PDZRN4: variants seen among roughly 807,000 people sequenced by gnomAD.
The protein encoded by PDZRN4 is PDZ domain containing ring finger 4.
PDZRN4 carries 70 observed loss-of-function variants against 99.0 expected under a neutral mutation model. The observed-to-expected ratio is 0.71, with a 90% CI of 0.58 to 0.86. The LOEUF is 0.86. Ranked by LOEUF, PDZRN4 falls within the 40% of genes least tolerant of loss-of-function variation. The pLI is 0.00. For synonymous variants in PDZRN4, 551 were observed against 501.6 expected (o/e 1.10, Z -1.32); for missense variants, 1,474 against 1,331.2 (o/e 1.11, Z -1.67).
At chr12:41,538,207 A>T (rs531401959) in intron 5 of PDZRN4, among the ~76,000 whole-genome samples, 90 of 152,312 alleles carry the variant, frequency 5.9e-4, no homozygotes, top group Admixed American at 1.6e-3. Context: ...ATTAAAAAAA[A>T]AGTAACCATC....
chr12:41,236,570 G>T (rs1254033497), intron 3 of PDZRN4, among the ~76,000 whole-genome samples: 1 of 152,082 alleles, frequency 6.6e-6, no homozygotes, highest in East Asian at 1.9e-4. Flanking sequence ...GAGAAGAAAG[G>T]TCAGTTAGGA....
chr12:41,300,198 G>A (rs1028205243), intron 3 of PDZRN4, among the ~76,000 whole-genome samples: 2 of 151,694 alleles, frequency 1.3e-5, no homozygotes, highest in Non-Finnish European at 3.0e-5. Flanking sequence ...AGCTCTTTTA[G>A]CTACTCTTTT....
At position 41,188,788 on chromosome 12, in the gene PDZRN4, G is replaced by C. The variant is rs10879830; in HGVS notation, c.333G>C (p.Arg111=). ...VEHCDFGPAR[R]LRSRGGCASG... is the part of the protein sequence containing the mutation. ...ACTGCGACTTCGGCCCTGCCCGCCG[G>C]CTCCGCAGCCGCGGGGGCTGCGCTT... is the stretch of plus-strand genomic sequence containing the variant. The change falls in exon 1 of 10, where the codon CGG becomes CGC. Residue 111 remains arginine (R), a synonymous_variant. Transcript: ENST00000402685. The C allele has an allele frequency of 0.67, 911,502 of 1,361,772 alleles. 306,125 individuals carry two copies. Among genetic ancestry groups the C allele is most frequent in the East Asian group, 0.77 (25,248 of 32,702 alleles). 84.4% of individuals were successfully genotyped at this position (1,361,772 alleles called of 1,614,324 possible).
chr12:41,382,080 CA>C (rs1952131774), intron 3 of PDZRN4, among the ~76,000 whole-genome samples: 1 of 152,162 alleles, frequency 6.6e-6, no homozygotes, highest in African/African-American at 2.4e-5. Flanking sequence ...CACCTTTGGT[CA>C]AATGGGGTCA....
At chr12:41,513,682 C>T (rs1025525790) in intron 5 of PDZRN4, among the ~76,000 whole-genome samples, 1 of 151,860 alleles carries the variant, frequency 6.6e-6, no homozygotes, top group Non-Finnish European at 1.5e-5. Context: ...CATAAATAGC[C>T]CTTAGCAAGT....
At chr12:41,343,040 C>T (rs1951828637) in intron 3 of PDZRN4, among the ~76,000 whole-genome samples, 1 of 151,766 alleles carries the variant, frequency 6.6e-6, no homozygotes, top group Non-Finnish European at 1.5e-5. Flanking sequence ...CCCTATTCAG[C>T]CATGAAAAAG....
chr12:41,248,883 T>C (rs1371996477), intron 3 of PDZRN4, among the ~76,000 whole-genome samples: 2 of 152,166 alleles, frequency 1.3e-5, no homozygotes, highest in Non-Finnish European at 2.9e-5. Context: ...TTATATAATG[T>C]CATTAGTAAT....
intron 3 of PDZRN4, among the ~76,000 whole-genome samples, chr12:41,470,623 GT>G (rs973588680): frequency 5.3e-5 from 8 of 152,002 alleles, no homozygotes; most frequent in African/African-American, 1.9e-4. Context: ...TTAGCATTAG[GT>G]TTATCTCCTA....
At chr12:41,241,643 A>G (rs1197797621) in intron 3 of PDZRN4, among the ~76,000 whole-genome samples, 1 of 152,188 alleles carries the variant, frequency 6.6e-6, no homozygotes, top group African/African-American at 2.4e-5. Context: ...AACACTTAAT[A>G]TAGTGCAAGG....
intron 3 of PDZRN4, among the ~76,000 whole-genome samples, chr12:41,221,295 A>G (rs1424351587): frequency 6.6e-6 from 1 of 152,198 alleles, no homozygotes; most frequent in East Asian, 1.9e-4. Flanking sequence ...TACTCGTCCT[A>G]ACACAGAAAT....
intron 3 of PDZRN4, among the ~76,000 whole-genome samples, chr12:41,216,215 A>G (rs1385974747): frequency 6.6e-6 from 1 of 152,072 alleles, no homozygotes; most frequent in East Asian, 1.9e-4. Context: ...TTATAGAGAA[A>G]TAATGAGTAA....
intron 3 of PDZRN4, among the ~76,000 whole-genome samples, chr12:41,225,101 C>G (rs916425127): frequency 6.6e-6 from 1 of 152,086 alleles, no homozygotes; most frequent in South Asian, 2.1e-4. Context: ...TCATGCTATA[C>G]TGAGAAAAAT....
intron 3 of PDZRN4, among the ~76,000 whole-genome samples, chr12:41,476,927 G>A (rs1937607951): frequency 6.6e-6 from 1 of 152,180 alleles, no homozygotes; most frequent in Admixed American, 6.5e-5. Context: ...CCTCACGCTT[G>A]CATTTGTGTT....
At chr12:41,536,023 T>A (rs1938742800) in intron 5 of PDZRN4, among the ~76,000 whole-genome samples, 1 of 152,320 alleles carries the variant, frequency 6.6e-6, no homozygotes, top group South Asian at 2.1e-4. Flanking sequence ...GTTCCCAGCT[T>A]CATTCTCGTG....
chr12:41,233,949 G>A (rs1443584021), intron 3 of PDZRN4, among the ~76,000 whole-genome samples: 1 of 150,852 alleles, frequency 6.6e-6, no homozygotes, highest in African/African-American at 2.4e-5. Context: ...TAATAATAAA[G>A]TTAAAAAAAA....
chr12:41,335,875 G>A (rs1336442305), intron 3 of PDZRN4, among the ~76,000 whole-genome samples: 1 of 152,144 alleles, frequency 6.6e-6, no homozygotes, highest in Non-Finnish European at 1.5e-5. Flanking sequence ...TGCTTTTGTT[G>A]TAATATAATT....
chr12:41,435,455 C>T (rs1555142587), intron 3 of PDZRN4, among the ~76,000 whole-genome samples: 1 of 152,096 alleles, frequency 6.6e-6, no homozygotes, highest in Non-Finnish European at 1.5e-5. Context: ...GCCATCTTTG[C>T]CTTACTGCAC....
rs564344605 is a variant in PDZRN4 at position 41,453,445 on chromosome 12, A to T, written c.844-53011A>T. ...TCTGGAATTAAGAGTGTGTCATTGG[A>T]GCATATTCTGAGAATGTGACTTTGA... On this transcript the variant is annotated intron_variant, in intron 3 of 9. Transcript: ENST00000402685. 7.9e-5 allele frequency among the ~76,000 whole-genome samples: 12 copies of T among 152,224 alleles called. No individual in the cohort carries two copies. The South Asian group carries it at 2.5e-3, about 32-fold the overall frequency.
At chr12:41,256,983 C>A (rs183248503) in intron 3 of PDZRN4, among the ~76,000 whole-genome samples, 157 of 152,258 alleles carry the variant, frequency 1.0e-3, no homozygotes, top group African/African-American at 3.7e-3. Context: ...ATTTCTTGAA[C>A]CTACTCACTT....
Sources: gnomAD v4.1 joint callset for allele counts (sites outside exome capture counted in the v4.1 genomes callset) on GRCh38, gnomAD v4.1.1 for gene constraint, MANE v1.5 for transcripts, NCBI Gene and HGNC (gene_info 2026-07-23, HGNC 2026-07-21) for gene names.